The following PDS5A variants were observed in gnomAD, a reference collection of about 807,000 sequenced individuals.
The protein encoded by PDS5A is sister chromatid cohesion protein PDS5 homolog A.
A neutral mutation model predicts 167.1 loss-of-function variants in PDS5A; 42 were observed. The ratio of observed to expected loss-of-function variants is 0.25; its 90% CI spans 0.20 to 0.33. The LOEUF is 0.33. Ranked by LOEUF, PDS5A falls within the 10% of genes least tolerant of loss-of-function variation. PDS5A has a pLI of 1.00. For synonymous variants in PDS5A, 553 were observed against 554.6 expected (o/e 1.00, Z 0.04); for missense variants, 1,033 against 1,605.9 (o/e 0.64, Z 6.10).
Position 39,849,601 on chromosome 4 carries a change from G to A in PDS5A, c.3138C>T (p.Ser1046=). The A allele has an allele frequency of 1.2e-6, 2 of 1,609,132 alleles. No homozygotes were observed. Among genetic ancestry groups the A allele is most frequent in the Non-Finnish European group, 1.7e-6 (2 of 1,175,656 alleles). ...CTGCCATCTTCTTCATAAAGGCATG[G>A]CTATTGTTTTCATTCTTTGTCATTA... ...EVLMTKNENN[S]HAFMKKMAEN... is the part of the protein sequence containing the mutation. The change falls in exon 27 of 33, where the codon AGC becomes AGT. Residue 1046 remains serine, a synonymous_variant. Coordinates refer to ENST00000303538, the MANE Select transcript of PDS5A (RefSeq NM_001100399.2).
At chr4:39,862,104 A>G (rs577083164) in intron 26 of PDS5A, 115 bp downstream of exon 26, 2 of 441,698 alleles carry the variant, frequency 4.5e-6, no homozygotes, top group Admixed American at 4.0e-5. Flanking sequence ...GAATAAAACC[A>G]TAAGGAGATT....
At chr4:39,951,297 G>A (rs1433511822) in intron 2 of PDS5A, among the ~76,000 whole-genome samples, 3 of 152,170 alleles carry the variant, frequency 2.0e-5, no homozygotes, top group African/African-American at 7.2e-5. Flanking sequence ...ATTTAGAGAT[G>A]ATAATTGCCA....
rs1715121220 is a variant in PDS5A, at chr4:39,824,644, C to T, written c.*841G>A. 1 of 152,564 alleles carries T rather than the reference C, an allele frequency of 6.6e-6. No homozygotes were observed. The highest frequency in any genetic ancestry group is 1.5e-5 in the Non-Finnish European group (1 of 68,036). 9.5% of individuals were successfully genotyped at this position (152,564 alleles called of 1,614,324 possible). ...AAACATTATAAAACCAAATGCTGGA[C>T]AGTCTTTACTCCTTTAAAATTCCAA... is the stretch of plus-strand genomic sequence containing the variant. On this transcript the variant is annotated 3_prime_UTR_variant, in exon 33 of 33. Transcript: ENST00000303538.
intron 30 of PDS5A, among the ~76,000 whole-genome samples, chr4:39,843,125 TC>T: frequency 6.6e-6 from 1 of 151,550 alleles, no homozygotes; most frequent in East Asian, 1.9e-4. Context: ...TTATCCTTCC[TC>T]GGCCTCCCAA....
At chr4:39,832,652 G>T (rs903534503) in intron 32 of PDS5A, among the ~76,000 whole-genome samples, 5 of 152,032 alleles carry the variant, frequency 3.3e-5, no homozygotes, top group Admixed American at 6.6e-5. Flanking sequence ...TTGATTCCAG[G>T]AGTTTGAGAC....
intron 17 of PDS5A, among the ~76,000 whole-genome samples, chr4:39,880,509 A>G (rs1206557472): frequency 6.6e-6 from 1 of 152,180 alleles, no homozygotes; most frequent in Non-Finnish European, 1.5e-5. Context: ...AAACTGAAGA[A>G]GATATTACCC....
chr4:39,855,866 G>C (rs1335560936), intron 26 of PDS5A, among the ~76,000 whole-genome samples: 2 of 152,054 alleles, frequency 1.3e-5, no homozygotes, highest in Admixed American at 1.3e-4. Flanking sequence ...ACTAACATTA[G>C]ACATCATGGA....
At chr4:39,856,353 T>C (rs906964014) in intron 26 of PDS5A, among the ~76,000 whole-genome samples, 6 of 152,130 alleles carry the variant, frequency 3.9e-5, no homozygotes, top group African/African-American at 1.2e-4. Context: ...ACCTGTCTTA[T>C]GAGAAATGCT....
chr4:39,956,880 C>T (rs1578823952), intron 2 of PDS5A, among the ~76,000 whole-genome samples: 1 of 152,078 alleles, frequency 6.6e-6, no homozygotes, highest in South Asian at 2.1e-4. Context: ...CCATGTTGCC[C>T]GCGCTAGTCT....
chr4:39,967,126 G>C (rs935573142), intron 2 of PDS5A, among the ~76,000 whole-genome samples: 5 of 151,612 alleles, frequency 3.3e-5, no homozygotes, highest in African/African-American at 1.2e-4. Flanking sequence ...CCAACAAGAT[G>C]AAACTCCATT....
intron 2 of PDS5A, among the ~76,000 whole-genome samples, chr4:39,967,007 GAA>G (rs913221779): frequency 6.9e-6 from 1 of 144,476 alleles, no homozygotes; most frequent in Non-Finnish European, 1.5e-5. Context: ...AAAAAATAAA[GAA>G]AAAAAAAATT....
intron 22 of PDS5A, 81 bp downstream of exon 22, chr4:39,869,313 A>C: frequency 1.1e-6 from 1 of 872,224 alleles, no homozygotes; most frequent in Non-Finnish European, 1.9e-6. Flanking sequence ...TCTGTTTATT[A>C]AATTTTTTAA....
At chr4:39,898,715 G>T in intron 15 of PDS5A, 62 bp downstream of exon 15, 1 of 1,056,888 alleles carries the variant, frequency 9.5e-7, no homozygotes, top group Non-Finnish European at 1.4e-6. Flanking sequence ...AGTCCCACTG[G>T]GTAAATACTT....
At chr4:39,840,996 TC>T (rs1215390045) in intron 31 of PDS5A, among the ~76,000 whole-genome samples, 2 of 151,260 alleles carry the variant, frequency 1.3e-5, no homozygotes, top group African/African-American at 4.9e-5. Context: ...CCACAAGTGA[TC>T]CACCCATCTT....
chr4:39,928,867 T>C (rs986690109), intron 2 of PDS5A, among the ~76,000 whole-genome samples: 3 of 150,694 alleles, frequency 2.0e-5, no homozygotes, highest in Non-Finnish European at 2.9e-5. Flanking sequence ...ATTAATGCAG[T>C]TGTATTTCTA....
chr4:39,954,614 C>A (rs1466578841), intron 2 of PDS5A, among the ~76,000 whole-genome samples: 3 of 148,420 alleles, frequency 2.0e-5, no homozygotes, highest in Non-Finnish European at 3.0e-5. Context: ...AGCCACCGTG[C>A]CCAGCCTGAA....
chr4:39,835,645 C>T (rs1311706224), intron 32 of PDS5A, among the ~76,000 whole-genome samples: 2 of 152,112 alleles, frequency 1.3e-5, no homozygotes, highest in African/African-American at 2.4e-5. Context: ...GCCTCAGTCT[C>T]GCGAGTAGCT....
intron 2 of PDS5A, among the ~76,000 whole-genome samples, chr4:39,948,747 C>T (rs1728039295): frequency 6.6e-6 from 1 of 151,634 alleles, no homozygotes; most frequent in Non-Finnish European, 1.5e-5. Context: ...GCCTCAGCCT[C>T]CTGAGTAGCT....
chr4:39,913,314 A>G (rs1202856219), intron 9 of PDS5A, among the ~76,000 whole-genome samples: 1 of 152,056 alleles, frequency 6.6e-6, no homozygotes, highest in African/African-American at 2.4e-5. Context: ...CCTGACCTCA[A>G]GTGATCCGCC....
Sources: allele counts gnomAD v4.1 joint callset (sites outside exome capture counted in the v4.1 genomes callset), GRCh38; gene constraint gnomAD v4.1.1; transcripts MANE v1.5; gene names NCBI Gene and HGNC (gene_info 2026-07-23, HGNC 2026-07-21).